RALYL: variants seen among roughly 807,000 people sequenced by gnomAD.
RALYL encodes the protein RNA-binding Raly-like protein.
RALYL carries 29 observed loss-of-function variants against 35.1 expected under a neutral mutation model. The ratio of observed to expected loss-of-function variants is 0.83; its 90% CI spans 0.61 to 1.13. RALYL has a LOEUF of 1.13. RALYL is among the 50% of genes most tolerant of loss of function. RALYL has a pLI of 0.00. For missense variants in RALYL, 359 were observed against 360.4 expected (o/e 1.00, Z 0.03); for synonymous variants, 120 against 127.6 (o/e 0.94, Z 0.40).
At chr8:84,913,580 C>T (rs1847935803) in intron 8 of RALYL, among the ~76,000 whole-genome samples, 1 of 151,866 alleles carries the variant, frequency 6.6e-6, no homozygotes, top group African/African-American at 2.4e-5. Context: ...CAAAAAGTAA[C>T]CTGCAGAGGA....
chr8:84,436,853 A>T (rs905320934), intron 1 of RALYL, among the ~76,000 whole-genome samples: 4 of 151,478 alleles, frequency 2.6e-5, no homozygotes, highest in South Asian at 2.1e-4. Context: ...CCCTCTAAAC[A>T]ATTTATTTAT....
intron 1 of RALYL, among the ~76,000 whole-genome samples, chr8:84,283,332 C>A (rs2132111753): frequency 6.6e-6 from 1 of 152,194 alleles, no homozygotes; most frequent in South Asian, 2.1e-4. Context: ...TTTGCACATC[C>A]ATGGAGTCTT....
intron 2 of RALYL, among the ~76,000 whole-genome samples, chr8:84,580,066 A>G (rs904090706): frequency 6.6e-6 from 1 of 152,116 alleles, no homozygotes; most frequent in Non-Finnish European, 1.5e-5. Flanking sequence ...GTCTTCAAAC[A>G]CTTGTATTTT....
chr8:84,318,660 C>T (rs1309459866), intron 1 of RALYL, among the ~76,000 whole-genome samples: 1 of 152,080 alleles, frequency 6.6e-6, no homozygotes, highest in Non-Finnish European at 1.5e-5. Context: ...TACATTAAAA[C>T]CTTACTGCCT....
chr8:84,225,118 G>A (rs1275318949), intron 1 of RALYL, among the ~76,000 whole-genome samples: 1 of 152,190 alleles, frequency 6.6e-6, no homozygotes, highest in Non-Finnish European at 1.5e-5. Flanking sequence ...ATAGTTAGAA[G>A]TTATCCTTAA....
intron 1 of RALYL, among the ~76,000 whole-genome samples, chr8:84,528,060 C>T (rs2059026897): frequency 6.6e-6 from 1 of 152,080 alleles, no homozygotes; most frequent in Admixed American, 6.5e-5. Flanking sequence ...GCCTTAAAGA[C>T]TTCCACCGCC....
intron 2 of RALYL, among the ~76,000 whole-genome samples, chr8:84,728,515 T>C (rs1333296633): frequency 6.6e-6 from 1 of 151,928 alleles, no homozygotes; most frequent in African/African-American, 2.4e-5. Context: ...TTTGTTGCCA[T>C]TGCTTTTGGT....
At chr8:84,815,868 T>C (rs529014382) in intron 4 of RALYL, among the ~76,000 whole-genome samples, 55 of 151,710 alleles carry the variant, frequency 3.6e-4, no homozygotes, top group African/African-American at 1.3e-3. Flanking sequence ...ACCCCAGCTC[T>C]ACTAAAAATA....
chr8:84,543,284 T>G (rs1348449812), intron 2 of RALYL, among the ~76,000 whole-genome samples: 1 of 151,972 alleles, frequency 6.6e-6, no homozygotes, highest in African/African-American at 2.4e-5. Flanking sequence ...TTTGCTGGAA[T>G]TATTCTAAAA....
chr8:84,767,515 A>G (rs1814401811), intron 2 of RALYL, among the ~76,000 whole-genome samples: 1 of 152,180 alleles, frequency 6.6e-6, no homozygotes, highest in Admixed American at 6.5e-5. Flanking sequence ...CTAACTTGAA[A>G]TATTGAAACT....
At chr8:84,555,009 A>G (rs145432137) in intron 2 of RALYL, among the ~76,000 whole-genome samples, 1,798 of 152,222 alleles carry the variant, frequency 0.012, 37 homozygotes, top group African/African-American at 0.04. Flanking sequence ...GGCCTGGCAC[A>G]GTGGCTCACG....
chr8:84,226,142 A>G (rs186516857), intron 1 of RALYL, among the ~76,000 whole-genome samples: 3 of 152,274 alleles, frequency 2.0e-5, no homozygotes, highest in East Asian at 3.9e-4. Context: ...GTGGCATTAG[A>G]TTCTCATAGG....
At chr8:84,439,563 G>A (rs1201967264) in intron 1 of RALYL, among the ~76,000 whole-genome samples, 1 of 152,066 alleles carries the variant, frequency 6.6e-6, no homozygotes, top group East Asian at 1.9e-4. Context: ...ATTCCAATAA[G>A]CTACATGCAT....
chr8:84,528,443 T>G (rs2059057672), intron 1 of RALYL, among the ~76,000 whole-genome samples: 1 of 152,154 alleles, frequency 6.6e-6, no homozygotes, highest in African/African-American at 2.4e-5. Context: ...AAGTTTTGTT[T>G]AATTTAATTA....
intron 2 of RALYL, among the ~76,000 whole-genome samples, chr8:84,538,250 G>A (rs1332690302): frequency 1.3e-5 from 2 of 152,174 alleles, no homozygotes; most frequent in East Asian, 3.8e-4. Context: ...AGCAGTGGTA[G>A]AGACTGTAAA....
intron 5 of RALYL, among the ~76,000 whole-genome samples, chr8:84,853,094 A>G (rs1026215163): frequency 6.6e-6 from 1 of 152,230 alleles, no homozygotes; most frequent in Non-Finnish European, 1.5e-5. Flanking sequence ...TTTAGTAAAC[A>G]TTATTAATCT....
At chr8:84,209,267 G>A (rs780856253) in intron 1 of RALYL, among the ~76,000 whole-genome samples, 4 of 151,904 alleles carry the variant, frequency 2.6e-5, no homozygotes, top group African/African-American at 4.8e-5. Flanking sequence ...CATTGCTGCC[G>A]GTTGAACAAA....
chr8:84,622,298 A>G (rs72679386), intron 2 of RALYL, among the ~76,000 whole-genome samples: 13,014 of 152,246 alleles, frequency 0.085, 768 homozygotes, highest in Middle Eastern at 0.15. Context: ...GCTTGTTAAA[A>G]TTTATTCTAG....
intron 1 of RALYL, among the ~76,000 whole-genome samples, chr8:84,415,565 T>C (rs1306633016): frequency 6.6e-6 from 1 of 152,118 alleles, no homozygotes; most frequent in Admixed American, 6.5e-5. Context: ...AGAAATCTGG[T>C]CACCAGTTTC....
Sources: allele counts gnomAD v4.1 joint callset (sites outside exome capture counted in the v4.1 genomes callset), GRCh38; gene constraint gnomAD v4.1.1; transcripts MANE v1.5; gene names NCBI Gene and HGNC (gene_info 2026-07-23, HGNC 2026-07-21).